The following WDFY4 variants were observed in gnomAD, a reference collection of about 807,000 sequenced individuals.
The protein encoded by WDFY4 is WDFY family member 4.
A neutral mutation model predicts 351.9 loss-of-function variants in WDFY4; 169 were observed. The ratio of observed to expected loss-of-function variants is 0.48; its 90% CI spans 0.42 to 0.55. The LOEUF (loss-of-function observed/expected upper bound fraction) is 0.55. Ranked by LOEUF, WDFY4 falls within the 20% of genes least tolerant of loss-of-function variation. WDFY4 has a pLI of 0.00. For synonymous variants in WDFY4, 1,622 were observed against 1,574.6 expected (o/e 1.03, Z -0.71); for missense variants, 3,803 against 3,935.6 (o/e 0.97, Z 0.90).
In WDFY4 at chr10:48,776,909, C is replaced by T; in HGVS notation, c.3023C>T (p.Pro1008Leu). The change falls in exon 16 of 62, where the codon CCA becomes CTA. Residue 1008 changes from proline to leucine, a missense_variant. Pro to Leu is a moderately conservative substitution (Grantham distance 98). Around this residue, in one of 3 missense-constraint regions of WDFY4, gnomAD observed 3,054 missense variants for 3,148.6 expected, o/e 0.97. Transcript: ENST00000325239. The part of the protein sequence containing the change: ...TALSLISMTS[P>L]RNLQPQRAAL... ...CTGAGCCTCATCTCCATGACCTCCC[C>T]ACGCAACCTGCAGCCTCAGAGGGCA... 6.4e-7 allele frequency: 1 copy of T among 1,552,190 alleles called. No homozygotes were observed. The highest frequency in any genetic ancestry group is 8.7e-7 in the Non-Finnish European group (1 of 1,147,096).
rs546835884 is a variant in WDFY4, at chr10:48,734,936, C to T, written c.1687+901C>T. Among the ~76,000 whole-genome samples, 1,010 of 130,018 alleles carry T rather than the reference C, an allele frequency of 7.8e-3. 6 individuals are homozygous for T. The highest frequency in any genetic ancestry group is 0.014 in the Admixed American group (156 of 11,024). The allele number at this position is 130,018 out of a possible 152,430, so 85.3% of individuals were successfully genotyped here. On this transcript the variant is annotated intron_variant, in intron 10 of 61. Transcript: ENST00000325239. Reference sequence around the variant, plus strand: ...GACTACAGGCGCACGCCGCCATGCACGGCTAATTTTTTTTTTTTTTTTTTT... The same window carrying T: ...GACTACAGGCGCACGCCGCCATGCATGGCTAATTTTTTTTTTTTTTTTTTT...
chr10:48,732,482 T>C (rs528422547), intron 9 of WDFY4, among the ~76,000 whole-genome samples: 8 of 152,188 alleles, frequency 5.3e-5, no homozygotes, highest in Non-Finnish European at 7.4e-5. Flanking sequence ...CTCTAGCCTT[T>C]GGCTGCTTCT....
intron 35 of WDFY4, among the ~76,000 whole-genome samples, chr10:48,825,905 T>A (rs1307202002): frequency 6.6e-6 from 1 of 152,198 alleles, no homozygotes; most frequent in Non-Finnish European, 1.5e-5. Context: ...ACTCTATAGG[T>A]TACCTGTTTG....
chr10:48,976,853 G>GC lies in WDFY4; in HGVS notation c.9169dup (p.Leu3057ProfsTer46). 2 of 1,533,782 alleles carry GC rather than the reference G, an allele frequency of 1.3e-6. No individual in the cohort carries two copies. Among genetic ancestry groups the GC allele is most frequent in the African/African-American group, 1.4e-5 (1 of 72,352 alleles). ...TGTCCCTGTGGAATGTCAATGGACA[G>GC]CCCCTGGCCAGCATCACCACAGCCT... On this transcript the variant is annotated frameshift_variant, in exon 59 of 62. Transcript: ENST00000325239. LOFTEE classifies it high-confidence loss of function.
Position 48,974,997 on chromosome 10 carries a change from G to C in WDFY4, c.9064G>C (p.Ala3022Pro). 6.4e-7 allele frequency: 1 copy of C among 1,551,554 alleles called. No individual in the cohort carries two copies. Among genetic ancestry groups the C allele is most frequent in the Non-Finnish European group, 8.7e-7 (1 of 1,146,996 alleles). The change falls in exon 58 of 62, where the codon GCC (alanine) becomes CCC (proline). Residue 3022 changes from alanine to proline, a missense_variant. Ala to Pro is a conservative substitution (Grantham distance 27). Around this residue, in one of 3 missense-constraint regions of WDFY4, gnomAD observed 3,054 missense variants for 3,148.6 expected, o/e 0.97. Coordinates refer to ENST00000325239, the MANE Select transcript of WDFY4 (RefSeq NM_001394531.1). ...DHLTHVTRLP[A>P]HREGISAITI... ...CCTCACCCACGTGACCCGCCTGCCC[G>C]CCCATCGGGAAGGCATCTCAGCCAT...
intron 12 of WDFY4, among the ~76,000 whole-genome samples, chr10:48,751,753 T>C (rs2065189568): frequency 6.6e-6 from 1 of 152,062 alleles, no homozygotes; most frequent in South Asian, 2.1e-4. Flanking sequence ...TTTGATAGAG[T>C]CCACATAGGG....
chr10:48,824,001 G>C, intron 35 of WDFY4: 13 of 985,384 alleles, frequency 1.3e-5, no homozygotes, highest in Non-Finnish European at 1.6e-5. Flanking sequence ...ATTTTCTATC[G>C]GACTGAAAAA....
chr10:48,879,227 C>G (rs1001328211), intron 43 of WDFY4, among the ~76,000 whole-genome samples: 1 of 152,220 alleles, frequency 6.6e-6, no homozygotes, highest in Non-Finnish European at 1.5e-5. Context: ...AACTCTACCC[C>G]ACAAGGAACC....
At chr10:48,717,809 C>A (rs2063956840) in intron 2 of WDFY4, among the ~76,000 whole-genome samples, 1 of 152,166 alleles carries the variant, frequency 6.6e-6, no homozygotes, top group East Asian at 1.9e-4. Flanking sequence ...CTTATCAAAG[C>A]ATATTCAGTA....
At chr10:48,934,088 A>G (rs1250405000) in intron 47 of WDFY4, among the ~76,000 whole-genome samples, 2 of 152,172 alleles carry the variant, frequency 1.3e-5, no homozygotes, top group African/African-American at 2.4e-5. Flanking sequence ...AGAGCAGCTT[A>G]CAGGCCTGTC....
At chr10:48,746,340 A>G (rs2065014705) in intron 12 of WDFY4, among the ~76,000 whole-genome samples, 2 of 152,090 alleles carry the variant, frequency 1.3e-5, no homozygotes, top group Admixed American at 1.3e-4. Flanking sequence ...CTAGTTGTAC[A>G]TTTTGCCTTA....
rs561227207 is a variant in WDFY4, at chr10:48,864,901, G to A, written c.6664-2364G>A. Among the ~76,000 whole-genome samples the A allele has an allele frequency of 4.2e-4, 64 of 152,260 alleles. 1 individual carries two copies. The highest frequency in any genetic ancestry group is 1.6e-3 in the Admixed American group (24 of 15,290). Reference sequence around the variant, plus strand: ...GTGGATAGGAACACAGCTGATTTACGTGTTTTGATCTTGTACACTGAAACT... The same window carrying A: ...GTGGATAGGAACACAGCTGATTTACATGTTTTGATCTTGTACACTGAAACT... On this transcript the variant is annotated intron_variant, in intron 39 of 61. Transcript: ENST00000325239.
At chr10:48,893,768 C>T (rs571129776) in intron 44 of WDFY4, among the ~76,000 whole-genome samples, 1 of 152,310 alleles carries the variant, frequency 6.6e-6, no homozygotes, top group Middle Eastern at 3.4e-3. Flanking sequence ...AAATCCACTT[C>T]TACTATCAAA....
chr10:48,979,546 GGT>G (rs1842717863), intron 60 of WDFY4: 3 of 151,894 alleles, frequency 2.0e-5, no homozygotes, highest in Non-Finnish European at 2.9e-5. Context: ...TGGATGGATG[GGT>G]AAATGGATGG....
intron 2 of WDFY4, among the ~76,000 whole-genome samples, chr10:48,715,522 G>A (rs947644928): frequency 2.0e-5 from 3 of 152,234 alleles, no homozygotes; most frequent in African/African-American, 7.2e-5. Context: ...GTGATGTTGA[G>A]TATGATTGAT....
chr10:48,941,486 G>A (rs1456180796), intron 47 of WDFY4, among the ~76,000 whole-genome samples: 3 of 152,182 alleles, frequency 2.0e-5, no homozygotes, highest in African/African-American at 7.2e-5. Flanking sequence ...TGTGGCAGGG[G>A]AATTCTGTGT....
At chr10:48,726,094 G>A (rs540795355) in intron 6 of WDFY4, 24 bp downstream of exon 6, 9 of 1,526,304 alleles carry the variant, frequency 5.9e-6, no homozygotes, top group Non-Finnish European at 8.0e-6. Context: ...AATTAGATGT[G>A]GGCTGTGGGC....
chr10:48,737,357 T>TA (rs984741567), intron 11 of WDFY4, among the ~76,000 whole-genome samples: 6 of 149,144 alleles, frequency 4.0e-5, no homozygotes, highest in East Asian at 1.9e-4. Flanking sequence ...GTTGGTGAAT[T>TA]AAAAAAAAAA....
intron 17 of WDFY4, among the ~76,000 whole-genome samples, chr10:48,778,216 A>G (rs1232659537): frequency 1.3e-5 from 2 of 152,254 alleles, no homozygotes; most frequent in African/African-American, 2.4e-5. Flanking sequence ...GTCTGAGGAC[A>G]CAGCAGCTGA....
Sources: allele counts gnomAD v4.1 joint callset (sites outside exome capture counted in the v4.1 genomes callset), GRCh38; gene constraint gnomAD v4.1.1; regional missense constraint gnomAD v4.1.1; transcripts MANE v1.5; gene names NCBI Gene and HGNC (gene_info 2026-07-23, HGNC 2026-07-21).